TTC3: variants seen among roughly 807,000 people sequenced by gnomAD.
The protein encoded by TTC3 is E3 ubiquitin-protein ligase TTC3.
Under a neutral mutation model 249.6 loss-of-function variants are expected in TTC3, and 180 were observed. The ratio of observed to expected loss-of-function variants is 0.72; its 90% CI spans 0.64 to 0.82. The LOEUF is 0.82. Among genes scored for constraint, TTC3 ranks in the 40% least tolerant of loss-of-function variants. The probability of loss-of-function intolerance (pLI) is 0.00; values close to 1 mark genes in which losing one functional copy is unlikely to be tolerated. For synonymous variants in TTC3, 717 were observed against 805.0 expected (o/e 0.89, Z 1.85); for missense variants, 2,061 against 2,398.4 (o/e 0.86, Z 2.94).
intron 44 of TTC3, 46 bp downstream of exon 44, chr21:37,198,071 C>A (rs1203931975): frequency 6.6e-7 from 1 of 1,522,064 alleles, no homozygotes; most frequent in Non-Finnish European, 8.8e-7. Context: ...AAACAAGAAG[C>A]AAACAAAATT....
intron 36 of TTC3, 33 bp from the exon 37 acceptor site, chr21:37,185,673 A>G: frequency 2.1e-6 from 3 of 1,444,538 alleles, no homozygotes; most frequent in Non-Finnish European, 2.8e-6. Context: ...ATTTTTCAAA[A>G]TTAATTAATA....
At chr21:37,186,780 G>A (rs999333989) in intron 37 of TTC3, among the ~76,000 whole-genome samples, 2 of 152,160 alleles carry the variant, frequency 1.3e-5, no homozygotes, top group African/African-American at 2.4e-5. Context: ...CATAAAAATG[G>A]TGAACTGGAA....
exon 27 of TTC3, chr21:37,152,975 G>A (rs1037196529): frequency 1.2e-6 from 2 of 1,604,854 alleles, no homozygotes; most frequent in Non-Finnish European, 1.7e-6. Flanking sequence ...GTTCAGCGTT[G>A]TCAGTTCCTT....
At chr21:37,139,792 A>G (rs755278160) in intron 19 of TTC3, among the ~76,000 whole-genome samples, 7 of 146,404 alleles carry the variant, frequency 4.8e-5, no homozygotes, top group Non-Finnish European at 1.1e-4. Context: ...TTAATGTAAA[A>G]TAGCGAGACT....
chr21:37,090,224 A>G lies in TTC3; in HGVS notation c.427-9A>G. On this transcript the variant is annotated splice_polypyrimidine_tract_variant and intron_variant, in intron 5 of 45. Transcript: ENST00000355666. ...TAAGGAAAAAATATGTCCTTTTTTT[A>G]TTTTTCAGAATGATTCATTCCTTAT... The G allele has an allele frequency of 6.3e-7, 1 of 1,581,870 alleles. No homozygotes were observed. Among genetic ancestry groups the G allele is most frequent in the Non-Finnish European group, 8.6e-7 (1 of 1,163,124 alleles).
rs1020050689 is a variant in TTC3 at position 37,144,424 on chromosome 21, A to G, written c.1773-101A>G. The G allele has an allele frequency of 3.5e-5, 47 of 1,360,582 alleles. 3 individuals carry two copies. The South Asian group carries it at 3.5e-4, about 10-fold the overall frequency. 84.3% of individuals were successfully genotyped at this position (1,360,582 alleles called of 1,614,324 possible). Reference sequence around the variant, plus strand: ...AATATTGCTGTTCAGTGATTCATCAAATGTATTCGTCCCAGTAAGCTTGAG... The same window carrying G: ...AATATTGCTGTTCAGTGATTCATCAGATGTATTCGTCCCAGTAAGCTTGAG... On this transcript the variant is annotated intron_variant, in intron 20 of 45. Transcript: ENST00000355666.
intron 23 of TTC3, 31 bp downstream of exon 23, chr21:37,148,678 C>T: frequency 6.9e-7 from 1 of 1,455,146 alleles, no homozygotes. Context: ...CTGAATTTTT[C>T]AGTATACTTA....
intron 1 of TTC3, among the ~76,000 whole-genome samples, chr21:37,075,564 C>T (rs769353527): frequency 6.6e-6 from 1 of 152,226 alleles, no homozygotes; most frequent in Non-Finnish European, 1.5e-5. Context: ...ACCCTGCTAA[C>T]ACTTTATGTT....
At chr21:37,151,008 G>T (rs888244243) in intron 25 of TTC3, 124 bp downstream of exon 25, 73 of 570,840 alleles carry the variant, frequency 1.3e-4, no homozygotes, top group Non-Finnish European at 1.8e-4. Context: ...TCAAATAAGT[G>T]TTTTTTAAAA....
chr21:37,158,206 A>T (rs2080303437), intron 28 of TTC3: 1 of 985,434 alleles, frequency 1.0e-6, no homozygotes. Flanking sequence ...TGCTGCTGGT[A>T]ATAAAATGCT....
At chr21:37,097,606 A>G (rs1292318428) in intron 10 of TTC3, among the ~76,000 whole-genome samples, 1 of 152,196 alleles carries the variant, frequency 6.6e-6, no homozygotes, top group Non-Finnish European at 1.5e-5. Context: ...CAGGACACCA[A>G]TTGGTCAGGT....
chr21:37,092,389 G>A (rs976381443), intron 7 of TTC3, among the ~76,000 whole-genome samples: 7 of 152,188 alleles, frequency 4.6e-5, no homozygotes, highest in African/African-American at 9.7e-5. Context: ...CATTGTTTTG[G>A]AGGCCCTTAA....
chr21:37,191,000 C>CT, intron 39 of TTC3, among the ~76,000 whole-genome samples: 1 of 152,238 alleles, frequency 6.6e-6, no homozygotes, highest in South Asian at 2.1e-4. Context: ...TTTAAAAAAT[C>CT]TTTAAATGCA....
chr21:37,094,422 T>C (rs1334628450), intron 8 of TTC3, among the ~76,000 whole-genome samples: 1 of 152,224 alleles, frequency 6.6e-6, no homozygotes, highest in Non-Finnish European at 1.5e-5. Context: ...TGGGAAAATA[T>C]TTAATGTTGT....
At chr21:37,083,116 A>G (rs2071932691) in intron 1 of TTC3, 1 of 985,440 alleles carries the variant, frequency 1.0e-6, no homozygotes, top group Middle Eastern at 5.2e-4. Flanking sequence ...AAGAGGTGCA[A>G]AAATCAACTT....
chr21:37,201,441 G>A, exon 46 of TTC3: 1 of 1,613,772 alleles, frequency 6.2e-7, no homozygotes, highest in Non-Finnish European at 8.5e-7. Flanking sequence ...CCTTTTCAGT[G>A]CTTTAAGCAG....
intron 20 of TTC3, 117 bp from the exon 21 acceptor site, chr21:37,144,408 G>A: frequency 8.2e-7 from 1 of 1,225,846 alleles, no homozygotes; most frequent in East Asian, 2.5e-5. Flanking sequence ...GAATATTGCT[G>A]TTCAGTGATT....
intron 45 of TTC3, 104 bp from the exon 46 acceptor site, chr21:37,201,336 C>A: frequency 6.8e-7 from 1 of 1,471,902 alleles, no homozygotes; most frequent in Non-Finnish European, 9.5e-7. Flanking sequence ...CCCAAGAGAC[C>A]AAGGGCAAGT....
At chr21:37,081,355 A>T (rs1371092737) in intron 1 of TTC3, among the ~76,000 whole-genome samples, 1 of 151,926 alleles carries the variant, frequency 6.6e-6, no homozygotes, top group African/African-American at 2.4e-5. Flanking sequence ...TGACCTCGTG[A>T]TCTGTCCGCC....
Sources: gnomAD v4.1 joint callset for allele counts (sites outside exome capture counted in the v4.1 genomes callset) on GRCh38, gnomAD v4.1.1 for gene constraint, MANE v1.5 for transcripts, NCBI Gene and HGNC (gene_info 2026-07-23, HGNC 2026-07-21) for gene names.